NUGGC: variants seen among roughly 807,000 people sequenced by gnomAD.
NUGGC encodes nuclear GTPase, germinal center associated.
Under a neutral mutation model 92.6 loss-of-function variants are expected in NUGGC, and 58 were observed. The ratio of observed to expected loss-of-function variants is 0.63; its 90% CI spans 0.51 to 0.78. The LOEUF is 0.78. Among genes scored for constraint, NUGGC ranks in the 30% least tolerant of loss-of-function variants. The probability of loss-of-function intolerance (pLI) is 0.00; values close to 1 mark genes in which losing one functional copy is unlikely to be tolerated. For missense variants in NUGGC, 925 were observed against 964.6 expected (o/e 0.96, Z 0.54); for synonymous variants, 376 against 366.4 (o/e 1.03, Z -0.30).
chr8:28,027,273 G>C (rs1311116981), intron 17 of NUGGC, among the ~76,000 whole-genome samples: 1 of 152,198 alleles, frequency 6.6e-6, no homozygotes, highest in African/African-American at 2.4e-5. Context: ...CATCTGTACA[G>C]CATCTCCCTC....
intron 1 of NUGGC, among the ~76,000 whole-genome samples, chr8:28,081,435 A>G (rs972921336): frequency 1.3e-5 from 2 of 152,222 alleles, no homozygotes; most frequent in Non-Finnish European, 2.9e-5. Context: ...ATATTTTATG[A>G]AGGTAGTTAA....
intron 2 of NUGGC, among the ~76,000 whole-genome samples, chr8:28,073,801 G>C (rs1810650904): frequency 6.6e-6 from 1 of 151,976 alleles, no homozygotes; most frequent in Non-Finnish European, 1.5e-5. Context: ...TGACTTTCTG[G>C]AACATTATTA....
chr8:28,080,763 G>A (rs1305425512), intron 1 of NUGGC, among the ~76,000 whole-genome samples: 3 of 152,114 alleles, frequency 2.0e-5, no homozygotes, highest in Non-Finnish European at 4.4e-5. Flanking sequence ...ATATTTGTGA[G>A]TGCCTATGAT....
rs745562259 is a variant in NUGGC, at chr8:28,060,254, C to A, written c.1097+172G>T. ...GGTTCAGATTCCTAAGACAACCCAA[C>A]CAAGGGTCCTGATGTCCCAGGAAGT... On this transcript the variant is annotated intron_variant, in intron 8 of 18. Transcript: ENST00000413272. 2.8e-5 allele frequency: 21 copies of A among 737,630 alleles called. 1 individual carries two copies. In the African/African-American group the frequency reaches 3.3e-4, roughly 12 times the overall value. The allele number at this position is 737,630 out of a possible 1,614,324, so 45.7% of individuals were successfully genotyped here.
chr8:28,051,595 T>C (rs571895442), intron 10 of NUGGC, among the ~76,000 whole-genome samples: 14 of 152,208 alleles, frequency 9.2e-5, no homozygotes, highest in African/African-American at 3.4e-4. Context: ...GTGAATTAGG[T>C]TAAAATAAAA....
chr8:28,046,297 C>T (rs374460616), intron 11 of NUGGC, among the ~76,000 whole-genome samples: 5 of 152,294 alleles, frequency 3.3e-5, no homozygotes, highest in African/African-American at 1.2e-4. Flanking sequence ...GGGAACATTT[C>T]ACACCTTCTG....
At chr8:28,048,223 A>G (rs1809890706) in intron 10 of NUGGC, among the ~76,000 whole-genome samples, 1 of 152,158 alleles carries the variant, frequency 6.6e-6, no homozygotes, top group African/African-American at 2.4e-5. Flanking sequence ...AGATTTCTGA[A>G]ATTGAGATGC....
chr8:28,023,239 C>A lies in NUGGC; in HGVS notation c.*78G>T. 6.8e-7 allele frequency: 1 copy of A among 1,468,774 alleles called. No homozygotes were observed. Among genetic ancestry groups the A allele is most frequent in the South Asian group, 1.4e-5 (1 of 73,884 alleles). 91.0% of individuals were successfully genotyped at this position (1,468,774 alleles called of 1,614,324 possible). Reference sequence around the variant, plus strand: ...GGCAACAGAGGTAGATAGATCTTGTCTCTTAAGAACAAAAAAAGTAATTCT... The same window carrying A: ...GGCAACAGAGGTAGATAGATCTTGTATCTTAAGAACAAAAAAAGTAATTCT... On this transcript the variant is annotated 3_prime_UTR_variant, in exon 19 of 19. Coordinates refer to ENST00000413272, the MANE Select transcript of NUGGC (RefSeq NM_001010906.2).
chr8:28,026,263 A>G (rs1809257254), intron 18 of NUGGC, among the ~76,000 whole-genome samples: 1 of 152,276 alleles, frequency 6.6e-6, no homozygotes, highest in South Asian at 2.1e-4. Context: ...CCCTCCCCCC[A>G]TATAAGGATA....
At chr8:28,065,152 C>A (rs77005247) in intron 6 of NUGGC, among the ~76,000 whole-genome samples, 12 of 79,924 alleles carry the variant, frequency 1.5e-4, no homozygotes, top group African/African-American at 5.1e-4. Flanking sequence ...GAAATTGGAT[C>A]TTTTTTTTTT....
At chr8:28,030,045 C>A (rs17485781) in intron 16 of NUGGC, among the ~76,000 whole-genome samples, 5,921 of 152,184 alleles carry the variant, frequency 0.039, 113 homozygotes, top group Middle Eastern at 0.054. Flanking sequence ...AACCTGGACA[C>A]TGGATTCTAC....
Position 28,030,318 on chromosome 8 carries a change from C to T in NUGGC, c.2009G>A (p.Cys670Tyr), listed in dbSNP as rs1809383536. The T allele has an allele frequency of 1.9e-6, 3 of 1,554,116 alleles. No individual in the cohort carries two copies. Among genetic ancestry groups the T allele is most frequent in the African/African-American group, 1.4e-5 (1 of 73,708 alleles). The stretch of plus-strand genomic sequence containing the variant: ...TCCTCCGCAGCCCCCACCTTCGTAA[C>T]AGAGCTTCAGGTCACTCTGGACAGA... The part of the protein sequence containing the change: ...TASVQSDLKL[C>Y]YEEAAQITGK... Residue 670 changes from cysteine to tyrosine, a missense_variant, in exon 16 of 19, where the codon TGT becomes TAT. Transcript: ENST00000413272.
chr8:28,040,272 T>C (rs895308159), intron 13 of NUGGC, among the ~76,000 whole-genome samples: 1 of 152,216 alleles, frequency 6.6e-6, no homozygotes, highest in Non-Finnish European at 1.5e-5. Context: ...AGAAACTCTA[T>C]ACAACTAATT....
chr8:28,067,675 C>T lies in NUGGC; in HGVS notation c.550G>A (p.Ala184Thr), dbSNP rs1186491297. 2.5e-6 allele frequency: 4 copies of T among 1,613,936 alleles called. No homozygotes were observed. The highest frequency in any genetic ancestry group is 1.7e-6 in the Non-Finnish European group (2 of 1,179,878). ...GCCTCATCCCTGTTCCACGCATCTG[C>T]CTCTTCTCTGCTCAGCTCCTCCGTC... ...HRTEELSREE[A>T]DAWNRDEAVE... The change falls in exon 6 of 19, where the codon GCA (alanine) becomes ACA (threonine). Residue 184 changes from alanine (A) to threonine (T), a missense_variant. By Grantham distance (58) the Ala-to-Thr change is moderately conservative. Coordinates refer to ENST00000413272, the MANE Select transcript of NUGGC (RefSeq NM_001010906.2).
At chr8:28,027,144 G>A (rs939963611) in intron 17 of NUGGC, 92 bp from the exon 18 acceptor site, 24 of 1,038,546 alleles carry the variant, frequency 2.3e-5, no homozygotes, top group African/African-American at 1.7e-4. Flanking sequence ...CCCCAGCCAC[G>A]GAAGGTACAG....
At chr8:28,060,723 C>T (rs1047431556) in intron 7 of NUGGC, 122 bp from the exon 8 acceptor site, 1 of 728,338 alleles carries the variant, frequency 1.4e-6, no homozygotes, top group Middle Eastern at 3.7e-4. Context: ...CTCCCCACCG[C>T]ACTCTGTGCA....
In NUGGC at chr8:28,037,813, G is replaced by A. The variant is rs371081624; in HGVS notation, c.1611+3238C>T. Among the ~76,000 whole-genome samples the A allele has an allele frequency of 3.0e-4, 45 of 152,290 alleles. No individual in the cohort carries two copies. The South Asian group carries it at 5.0e-3, about 17-fold the overall frequency. ...TCCTCTAGACCAGTGATTCTCAACC[G>A]GGAGTGATTTTGTCACAACTGAAGA... On this transcript the variant is annotated intron_variant, in intron 13 of 18. Transcript: ENST00000413272.
At chr8:28,082,670 A>G (rs982819885) in intron 1 of NUGGC, among the ~76,000 whole-genome samples, 3 of 152,208 alleles carry the variant, frequency 2.0e-5, no homozygotes, top group African/African-American at 7.2e-5. Context: ...TGGGAGGCTG[A>G]GAGGAGAGGG....
chr8:28,023,488 C>T, intron 18 of NUGGC, 26 bp from the exon 19 acceptor site: 1 of 1,599,060 alleles, frequency 6.3e-7, no homozygotes, highest in East Asian at 2.2e-5. Flanking sequence ...AAGCTCACAT[C>T]AGGACTTGGT....
Sources: gnomAD v4.1 joint callset for allele counts (sites outside exome capture counted in the v4.1 genomes callset) on GRCh38, gnomAD v4.1.1 for gene constraint, MANE v1.5 for transcripts, NCBI Gene and HGNC (gene_info 2026-07-23, HGNC 2026-07-21) for gene names.